The following HSPA12A variants were observed in gnomAD, a reference collection of about 807,000 sequenced individuals.
HSPA12A encodes the protein heat shock 70 kDa protein 12A.
HSPA12A carries 28 observed loss-of-function variants against 69.2 expected under a neutral mutation model. The ratio of observed to expected loss-of-function variants is 0.40; its 90% CI spans 0.30 to 0.55. The LOEUF is 0.55. HSPA12A is among the 20% of genes least tolerant of loss of function. The probability of loss-of-function intolerance (pLI) is 0.38; values close to 1 mark genes in which losing one functional copy is unlikely to be tolerated. For synonymous variants in HSPA12A, 345 were observed against 370.5 expected (o/e 0.93, Z 0.79); for missense variants, 686 against 900.7 (o/e 0.76, Z 3.05).
intron 1 of HSPA12A, among the ~76,000 whole-genome samples, chr10:116,719,370 C>A (rs1302133935): frequency 2.0e-5 from 3 of 152,202 alleles, no homozygotes. Context: ...TGAGGCCACA[C>A]CTGCAGCTGC....
intron 4 of HSPA12A, among the ~76,000 whole-genome samples, chr10:116,699,632 C>T (rs1463760325): frequency 6.6e-6 from 1 of 152,188 alleles, no homozygotes; most frequent in African/African-American, 2.4e-5. Flanking sequence ...TGCACTTGCT[C>T]ACTCCTCCCA....
intron 4 of HSPA12A, among the ~76,000 whole-genome samples, chr10:116,700,676 T>G (rs1850053944): frequency 6.6e-6 from 1 of 152,160 alleles, no homozygotes; most frequent in Non-Finnish European, 1.5e-5. Flanking sequence ...GGGTCTACTC[T>G]GATAGGTCCA....
At chr10:116,709,973 G>T (rs370737713) in intron 1 of HSPA12A, among the ~76,000 whole-genome samples, 1 of 152,180 alleles carries the variant, frequency 6.6e-6, no homozygotes, top group Admixed American at 6.5e-5. Context: ...GCTATTAGCC[G>T]TGGGCGCTAA....
intron 2 of HSPA12A, among the ~76,000 whole-genome samples, chr10:116,804,366 CGATTTGAGGGGTTGG>C (rs1845024728): frequency 6.6e-6 from 1 of 152,072 alleles, no homozygotes; most frequent in East Asian, 1.9e-4. Flanking sequence ...CCAGGCTCCC[CGATTTGAGGGGTTGG>C]GCCTTCGGAA....
intron 1 of HSPA12A, among the ~76,000 whole-genome samples, chr10:116,719,216 C>T (rs1247267251): frequency 2.6e-5 from 4 of 152,250 alleles, no homozygotes; most frequent in African/African-American, 9.6e-5. Context: ...CCTCCTCCCG[C>T]TGCCAATGAG....
At chr10:116,841,644 T>C (rs1175883024) in intron 1 of HSPA12A, among the ~76,000 whole-genome samples, 1 of 152,188 alleles carries the variant, frequency 6.6e-6, no homozygotes, top group East Asian at 1.9e-4. Flanking sequence ...ATGTTTGTCA[T>C]ATACAAAAGA....
rs1248752198 is a variant in HSPA12A, at chr10:116,722,147, T to C, written c.41-14862A>G. 2.6e-5 allele frequency among the ~76,000 whole-genome samples: 4 copies of C among 152,200 alleles called. No individual in the cohort carries two copies. In the East Asian group the frequency reaches 7.7e-4, roughly 29 times the overall value. ...GGCAGGGCAGCTTCTCTGACTTCAT[T>C]GTTATCTTTAACAGCTCCATCTGGA... On this transcript the variant is annotated intron_variant, in intron 1 of 11. Transcript: ENST00000369209.
chr10:116,684,711 T>A (rs1176535787), intron 6 of HSPA12A, among the ~76,000 whole-genome samples: 5 of 152,192 alleles, frequency 3.3e-5, no homozygotes, highest in African/African-American at 1.2e-4. Context: ...ATTATAGACA[T>A]ATATCACATA....
chr10:116,705,629 A>G (rs1554882298), intron 2 of HSPA12A, among the ~76,000 whole-genome samples: 1 of 152,234 alleles, frequency 6.6e-6, no homozygotes, highest in Non-Finnish European at 1.5e-5. Context: ...ATCTTCTTCC[A>G]AGCCCTGCTG....
intron 2 of HSPA12A, among the ~76,000 whole-genome samples, chr10:116,773,592 G>C (rs1174259065): frequency 6.6e-6 from 1 of 152,220 alleles, no homozygotes; most frequent in Non-Finnish European, 1.5e-5. Context: ...TGCTAAGTAA[G>C]CAGTCTCCTC....
At chr10:116,704,469 G>A (rs1212133904) in intron 3 of HSPA12A, among the ~76,000 whole-genome samples, 2 of 152,210 alleles carry the variant, frequency 1.3e-5, no homozygotes, top group Admixed American at 6.5e-5. Flanking sequence ...GTGGGGTGGG[G>A]GGAGTGGGGA....
At chr10:116,787,416 CATACTAGA>C (rs1342157944) in intron 2 of HSPA12A, among the ~76,000 whole-genome samples, 2 of 124,288 alleles carry the variant, frequency 1.6e-5, no homozygotes, top group Admixed American at 2.0e-4. Flanking sequence ...GTCACATCCA[CATACTAGA>C]ATACTCTCTA....
intron 2 of HSPA12A, among the ~76,000 whole-genome samples, chr10:116,779,799 T>G (rs1844422491): frequency 6.6e-6 from 1 of 151,746 alleles, no homozygotes; most frequent in Admixed American, 6.6e-5. Flanking sequence ...AGGGTGGGTG[T>G]GTGTAAAGAG....
rs988801765 is a variant in HSPA12A, at chr10:116,686,865, C to A, written c.664-2903G>T. On this transcript the variant is annotated intron_variant, in intron 6 of 11. Transcript: ENST00000369209. This position sits in a 1 kb window ranked among gnomAD's most constrained non-coding sequence, Gnocchi z 4.1. The stretch of plus-strand genomic sequence containing the variant: ...GCTCCACCCCTCATCCCTCTTCCCA[C>A]ACCATAAGCTCCGCCCCTCATCCCT... Among the ~76,000 whole-genome samples, 1 of 151,380 alleles carries A rather than the reference C, an allele frequency of 6.6e-6. No homozygotes were observed. Among genetic ancestry groups the A allele is most frequent in the South Asian group, 2.1e-4 (1 of 4,756 alleles).
chr10:116,682,720 A>G (rs990521407), intron 7 of HSPA12A, among the ~76,000 whole-genome samples: 17 of 152,070 alleles, frequency 1.1e-4, no homozygotes, highest in Admixed American at 2.6e-4. Context: ...TTTTTCTTTG[A>G]GACGGAGTCT....
At chr10:116,811,200 G>A (rs1462495982) in intron 2 of HSPA12A, among the ~76,000 whole-genome samples, 1 of 152,110 alleles carries the variant, frequency 6.6e-6, no homozygotes, top group East Asian at 1.9e-4. Flanking sequence ...GAAAACACAT[G>A]GCCTCTTCCA....
intron 5 of HSPA12A, among the ~76,000 whole-genome samples, chr10:116,697,302 G>A (rs1284916443): frequency 2.6e-5 from 4 of 152,178 alleles, no homozygotes; most frequent in Admixed American, 6.5e-5. Flanking sequence ...TGGTCTCCAT[G>A]CCTGTGGGAG....
intron 1 of HSPA12A, among the ~76,000 whole-genome samples, chr10:116,740,914 C>G (rs532209405): frequency 7.2e-6 from 1 of 138,776 alleles, no homozygotes; most frequent in Admixed American, 7.8e-5. Flanking sequence ...AACGCCCCTA[C>G]TTATCGTCCT....
intron 2 of HSPA12A, among the ~76,000 whole-genome samples, chr10:116,799,728 C>G (rs1408693889): frequency 1.3e-5 from 2 of 152,202 alleles, no homozygotes; most frequent in Non-Finnish European, 2.9e-5. Context: ...TGGTCTATCT[C>G]TCCTCAAGAC....
Sources: allele counts gnomAD v4.1 joint callset (sites outside exome capture counted in the v4.1 genomes callset), GRCh38; gene constraint gnomAD v4.1.1; non-coding constraint Gnocchi (gnomAD v3.1); transcripts MANE v1.5; gene names NCBI Gene and HGNC (gene_info 2026-07-23, HGNC 2026-07-21).